Variants in DNAAF4 observed in about 807,000 individuals in gnomAD.
DNAAF4 encodes dynein axonemal assembly factor 4.
A neutral mutation model predicts 51.8 loss-of-function variants in DNAAF4; 43 were observed. The observed-to-expected ratio is 0.83, with a 90% CI of 0.65 to 1.07. The LOEUF (loss-of-function observed/expected upper bound fraction) is 1.07, where lower values mean the gene tolerates loss of function less well. Among genes scored for constraint, DNAAF4 ranks in the 50% least tolerant of loss-of-function variants. The pLI, the probability that DNAAF4 is intolerant of heterozygous loss-of-function variation, is 0.00. For synonymous variants in DNAAF4, 194 were observed against 165.6 expected (o/e 1.17, Z -1.32); for missense variants, 581 against 493.0 (o/e 1.18, Z -1.69).
chr15:55,504,220 T>G (rs537901348), intron 1 of DNAAF4, among the ~76,000 whole-genome samples: 2 of 152,262 alleles, frequency 1.3e-5, no homozygotes, highest in African/African-American at 4.8e-5. Flanking sequence ...ACAAGGGATG[T>G]GAAGGACCTC....
chr15:55,450,086 TA>T, intron 6 of DNAAF4, 135 bp downstream of exon 6: 1 of 1,060,406 alleles, frequency 9.4e-7, no homozygotes. Flanking sequence ...AAGGAAATTC[TA>T]AAACATATTC....
At chr15:55,421,883 C>T (rs2057390867) in intron 7 of DNAAF4, among the ~76,000 whole-genome samples, 2 of 142,420 alleles carry the variant, frequency 1.4e-5, no homozygotes, top group South Asian at 4.6e-4. Flanking sequence ...GAGGGAAACT[C>T]CGTCTCAAAA....
At chr15:55,488,779 T>C (rs556352736) in intron 4 of DNAAF4, among the ~76,000 whole-genome samples, 1 of 152,130 alleles carries the variant, frequency 6.6e-6, no homozygotes, top group African/African-American at 2.4e-5. Flanking sequence ...AAAGTCAAGC[T>C]TTCATACATT....
chr15:55,433,387 G>C (rs1249477175), intron 8 of DNAAF4, among the ~76,000 whole-genome samples: 1 of 152,170 alleles, frequency 6.6e-6, no homozygotes, highest in Non-Finnish European at 1.5e-5. Context: ...CAGGCGGGCG[G>C]AGGCCCAGGC....
In DNAAF4 at chr15:55,440,331, G is replaced by A. The variant is rs531147608; in HGVS notation, c.784-750C>T. ...ATCCCAAAGTGCTGGGATTATAGGCGTGAGCCACCACGCCTGGCCAATGAT... is the reference window on the plus strand; with the variant it reads ...ATCCCAAAGTGCTGGGATTATAGGCATGAGCCACCACGCCTGGCCAATGAT... On this transcript the variant is annotated intron_variant, in intron 6 of 9. Coordinates refer to ENST00000321149, the MANE Select transcript of DNAAF4 (RefSeq NM_130810.4). 4.3e-3 allele frequency among the ~76,000 whole-genome samples: 648 copies of A among 151,914 alleles called. 7 individuals are homozygous for A. The highest frequency in any genetic ancestry group is 0.014 in the African/African-American group (588 of 41,426).
intron 4 of DNAAF4, among the ~76,000 whole-genome samples, chr15:55,480,007 G>A (rs1453998152): frequency 2.0e-5 from 3 of 152,050 alleles, no homozygotes; most frequent in African/African-American, 7.2e-5. Flanking sequence ...TTGGACCCTT[G>A]TCAGTAGTTC....
At chr15:55,426,923 C>A (rs147825795), downstream of DNAAF4, among the ~76,000 whole-genome samples, 1,061 of 152,298 alleles carry the variant, frequency 7.0e-3, 19 homozygotes, top group African/African-American at 0.025. Flanking sequence ...CCTATAAATA[C>A]CAATTGTTTT....
intron 5 of DNAAF4, among the ~76,000 whole-genome samples, chr15:55,464,316 A>C (rs1284355778): frequency 2.6e-5 from 4 of 152,242 alleles, no homozygotes; most frequent in Non-Finnish European, 5.9e-5. Context: ...AGATGGATCA[A>C]AGACTTAAGT....
intron 6 of DNAAF4, among the ~76,000 whole-genome samples, chr15:55,445,976 C>A (rs1440638359): frequency 7.2e-6 from 1 of 139,520 alleles, no homozygotes; most frequent in Admixed American, 7.2e-5. Flanking sequence ...CGGGCAGAGG[C>A]GCTCCTCACA....
intron 6 of DNAAF4, 44 bp downstream of exon 6, chr15:55,450,173 ATAAAG>A: frequency 1.3e-6 from 2 of 1,525,020 alleles, no homozygotes; most frequent in Non-Finnish European, 1.8e-6. Flanking sequence ...TGAAATAAAA[ATAAAG>A]TATTTTCATT....
intron 1 of DNAAF4, among the ~76,000 whole-genome samples, 193 bp downstream of exon 1, chr15:55,507,929 T>C (rs1305175161): frequency 6.6e-6 from 1 of 152,144 alleles, no homozygotes; most frequent in African/African-American, 2.4e-5. Context: ...CCACCAGCAA[T>C]ATTACCATCA....
chr15:55,469,474 C>CTTTT (rs1162485238), intron 4 of DNAAF4, among the ~76,000 whole-genome samples: 5,814 of 66,274 alleles, frequency 0.088, 2,432 homozygotes, highest in Middle Eastern at 0.19. Context: ...CTTACCAATT[C>CTTTT]TTTTTTTTTT....
At chr15:55,496,972 C>T (rs1489444398) in intron 3 of DNAAF4, among the ~76,000 whole-genome samples, 1 of 152,150 alleles carries the variant, frequency 6.6e-6, no homozygotes, top group Non-Finnish European at 1.5e-5. Context: ...ATTGACTATT[C>T]TCCCAGAAAA....
chr15:55,479,779 TGAG>T (rs2058382975), intron 4 of DNAAF4, among the ~76,000 whole-genome samples: 1 of 152,062 alleles, frequency 6.6e-6, no homozygotes. Flanking sequence ...CTTGTGCAGT[TGAG>T]ATAAGGACTG....
At chr15:55,501,769 G>A (rs944024658) in intron 1 of DNAAF4, among the ~76,000 whole-genome samples, 3 of 151,914 alleles carry the variant, frequency 2.0e-5, no homozygotes, top group Admixed American at 6.6e-5. Context: ...TGGGCTGGGC[G>A]GGGTGGCTCA....
chr15:55,443,884 C>T lies in DNAAF4; in HGVS notation c.784-4303G>A, dbSNP rs150584242. Among the ~76,000 whole-genome samples, 59 of 152,210 alleles carry T rather than the reference C, an allele frequency of 3.9e-4. No individual in the cohort carries two copies. The East Asian group carries it at 4.8e-3, about 12-fold the overall frequency. ...CTGTTCATATCCTTCACCCATGTTT[C>T]GATGGGGTTGTTTTTTTCTTGTAAG... On this transcript the variant is annotated intron_variant, in intron 6 of 9. Transcript: ENST00000321149.
intron 6 of DNAAF4, among the ~76,000 whole-genome samples, chr15:55,440,888 G>A (rs949780598): frequency 3.3e-4 from 48 of 146,590 alleles, no homozygotes; most frequent in African/African-American, 1.2e-3. Flanking sequence ...TCACCATATG[G>A]GCCAGGCTGG....
chr15:55,487,698 AAC>A (rs902231698), intron 4 of DNAAF4, among the ~76,000 whole-genome samples: 13 of 152,182 alleles, frequency 8.5e-5, no homozygotes, highest in Admixed American at 5.9e-4. Context: ...TAAGAGCTGT[AAC>A]ACACCATGAG....
chr15:55,494,579 GTTTTGTA>G (rs998342498), intron 3 of DNAAF4, among the ~76,000 whole-genome samples: 1 of 151,170 alleles, frequency 6.6e-6, no homozygotes, highest in African/African-American at 2.4e-5. Flanking sequence ...GCCTGACGAA[GTTTTGTA>G]TTTTTAGTAG....
Sources: allele counts gnomAD v4.1 joint callset (sites outside exome capture counted in the v4.1 genomes callset), GRCh38; gene constraint gnomAD v4.1.1; transcripts MANE v1.5; gene names NCBI Gene and HGNC (gene_info 2026-07-23, HGNC 2026-07-21).